Variants in TRAK1 observed in about 807,000 individuals in gnomAD.
The protein encoded by TRAK1 is trafficking kinesin protein 1.
In TRAK1, 33 loss-of-function variants were observed where a neutral mutation model predicts 92.1. The ratio of observed to expected loss-of-function variants is 0.36; its 90% CI spans 0.27 to 0.48. The LOEUF (loss-of-function observed/expected upper bound fraction) is 0.48. Among genes scored for constraint, TRAK1 ranks in the 20% least tolerant of loss-of-function variants. The pLI is 0.99. For synonymous variants in TRAK1, 521 were observed against 517.3 expected (o/e 1.01, Z -0.10); for missense variants, 1,123 against 1,257.9 (o/e 0.89, Z 1.62).
chr3:42,133,876 AAGTT>A (rs1382865852), intron 2 of TRAK1, among the ~76,000 whole-genome samples: 2 of 152,374 alleles, frequency 1.3e-5, no homozygotes, highest in East Asian at 3.9e-4. Context: ...CAAGATATTA[AAGTT>A]AGTTTATGCA....
chr3:42,019,672 T>C (rs60035667), intron 1 of TRAK1, among the ~76,000 whole-genome samples: 7,711 of 152,250 alleles, frequency 0.051, 295 homozygotes, highest in East Asian at 0.17. Context: ...GTAGAACATA[T>C]ATGATACAAC....
chr3:42,174,519 C>G (rs1434917724), intron 2 of TRAK1, among the ~76,000 whole-genome samples: 1 of 151,710 alleles, frequency 6.6e-6, no homozygotes, highest in African/African-American at 2.4e-5. Context: ...TGGAGTCCTG[C>G]CCTGCTGCCC....
intron 1 of TRAK1, among the ~76,000 whole-genome samples, chr3:42,107,551 C>A (rs886410708): frequency 6.2e-4 from 93 of 150,574 alleles, no homozygotes; most frequent in African/African-American, 2.1e-3. Flanking sequence ...TATTTATAAA[C>A]AAGAAACTTC....
chr3:42,176,189 G>A (rs925425085), intron 2 of TRAK1, among the ~76,000 whole-genome samples: 3 of 152,188 alleles, frequency 2.0e-5, no homozygotes, highest in African/African-American at 7.2e-5. Context: ...ATTACTCTGT[G>A]TGTGTGTGTG....
intron 1 of TRAK1, among the ~76,000 whole-genome samples, chr3:42,094,441 G>T (rs550014593): frequency 6.6e-6 from 1 of 152,266 alleles, no homozygotes; most frequent in East Asian, 1.9e-4. Flanking sequence ...GTGCAGTGCA[G>T]TCATGGTGTA....
chr3:42,130,969 A>G (rs1003151236), intron 2 of TRAK1, among the ~76,000 whole-genome samples: 1 of 152,096 alleles, frequency 6.6e-6, no homozygotes, highest in African/African-American at 2.4e-5. Flanking sequence ...CTACAGTAAT[A>G]TTATTATACC....
chr3:42,077,170 A>T (rs183305980), intron 1 of TRAK1, among the ~76,000 whole-genome samples: 24 of 152,326 alleles, frequency 1.6e-4, no homozygotes, highest in African/African-American at 4.6e-4. Context: ...TTTTCTAATT[A>T]TGTGAAGAAT....
chr3:42,107,945 A>G (rs1707819634), intron 1 of TRAK1, among the ~76,000 whole-genome samples: 1 of 151,084 alleles, frequency 6.6e-6, no homozygotes, highest in Admixed American at 6.6e-5. Context: ...AGGTCATGTC[A>G]CATCTAAGAA....
chr3:42,202,981 C>A lies in TRAK1; in HGVS notation c.1744+229C>A. ...ATGCACACATAGGCCATGAAACTCGCCGAGGAAAGACAAGCATGTGCACTG... is the reference window on the plus strand; with the variant it reads ...ATGCACACATAGGCCATGAAACTCGACGAGGAAAGACAAGCATGTGCACTG... On this transcript the variant is annotated intron_variant, in intron 13 of 15. Transcript: ENST00000327628. This position sits in a 1 kb window ranked among gnomAD's most constrained non-coding sequence, Gnocchi z 6.1. The A allele has an allele frequency of 7.5e-7, 1 of 1,332,152 alleles. No homozygotes were observed. Among genetic ancestry groups the A allele is most frequent in the Non-Finnish European group, 9.6e-7 (1 of 1,040,048 alleles). The allele number at this position is 1,332,152 out of a possible 1,614,324, so 82.5% of individuals were successfully genotyped here.
intron 2 of TRAK1, among the ~76,000 whole-genome samples, chr3:42,132,622 T>C (rs919456081): frequency 6.6e-6 from 1 of 152,138 alleles, no homozygotes; most frequent in South Asian, 2.1e-4. Flanking sequence ...TTTTGATCCG[T>C]GGTGGATACA....
At chr3:42,181,266 G>A (rs141179085) in intron 3 of TRAK1, among the ~76,000 whole-genome samples, 154 of 152,332 alleles carry the variant, frequency 1.0e-3, no homozygotes, top group African/African-American at 3.2e-3. Flanking sequence ...GCTAAAGGCC[G>A]GGCGCAGTGG....
chr3:42,209,015 G>C (rs577651815), intron 13 of TRAK1, among the ~76,000 whole-genome samples: 1 of 152,326 alleles, frequency 6.6e-6, no homozygotes, highest in African/African-American at 2.4e-5. Flanking sequence ...ACACACTCCA[G>C]TGTTATTACA....
At chr3:42,056,470 TTTGAAATTATTA>T (rs1703210498) in intron 1 of TRAK1, among the ~76,000 whole-genome samples, 1 of 152,196 alleles carries the variant, frequency 6.6e-6, no homozygotes. Context: ...CTTGTTGACT[TTTGAAATTATTA>T]TTGAAATAAT....
intron 5 of TRAK1, among the ~76,000 whole-genome samples, chr3:42,188,616 C>T (rs1705237537): frequency 6.6e-6 from 1 of 152,236 alleles, no homozygotes; most frequent in African/African-American, 2.4e-5. Context: ...GGCTAGGTTA[C>T]TTAACCTCTG....
chr3:42,073,986 C>T (rs556061085), intron 1 of TRAK1, among the ~76,000 whole-genome samples: 1 of 152,146 alleles, frequency 6.6e-6, no homozygotes, highest in African/African-American at 2.4e-5. Context: ...CTTTGAGTTC[C>T]TTTGCCCCTG....
At chr3:42,175,464 C>G (rs1159055026) in intron 2 of TRAK1, among the ~76,000 whole-genome samples, 1 of 152,200 alleles carries the variant, frequency 6.6e-6, no homozygotes, top group Non-Finnish European at 1.5e-5. Flanking sequence ...CCTGGCAGCT[C>G]TGTCTGAGGC....
intron 1 of TRAK1, among the ~76,000 whole-genome samples, chr3:42,020,634 C>T (rs1034249192): frequency 2.0e-5 from 3 of 152,100 alleles, no homozygotes; most frequent in African/African-American, 4.8e-5. Context: ...TCATTTCTAT[C>T]GGGTATATGC....
chr3:42,168,647 A>G (rs1211314319), intron 2 of TRAK1, among the ~76,000 whole-genome samples: 1 of 152,064 alleles, frequency 6.6e-6, no homozygotes, highest in African/African-American at 2.4e-5. Context: ...CAGTGGCACA[A>G]TCTTGGCTCA....
At chr3:42,099,624 G>C (rs572299982) in intron 1 of TRAK1, among the ~76,000 whole-genome samples, 1 of 152,184 alleles carries the variant, frequency 6.6e-6, no homozygotes, top group South Asian at 2.1e-4. Context: ...GTCATGCTGA[G>C]GGGCTCTGAC....
Sources: gnomAD v4.1 joint callset for allele counts (sites outside exome capture counted in the v4.1 genomes callset) on GRCh38, gnomAD v4.1.1 for gene constraint, Gnocchi (gnomAD v3.1) non-coding constraint, MANE v1.5 for transcripts, NCBI Gene and HGNC (gene_info 2026-07-23, HGNC 2026-07-21) for gene names.